Variants in ST7 observed in about 807,000 individuals in gnomAD.
ST7 encodes suppression of tumorigenicity 7.
ST7 carries 28 observed loss-of-function variants against 78.7 expected under a neutral mutation model. The observed-to-expected ratio is 0.36, with a 90% CI of 0.26 to 0.49. ST7 has a LOEUF of 0.49. Among genes scored for constraint, ST7 ranks in the 20% least tolerant of loss-of-function variants. The pLI is 0.99. For missense variants in ST7, 418 were observed against 696.0 expected (o/e 0.60, Z 4.49); for synonymous variants, 247 against 249.6 (o/e 0.99, Z 0.10).
At chr7:117,061,959 G>A (rs542159699) in intron 1 of ST7, among the ~76,000 whole-genome samples, 3 of 152,176 alleles carry the variant, frequency 2.0e-5, no homozygotes, top group African/African-American at 7.2e-5. Flanking sequence ...AATTTCATAG[G>A]CTGGGTGGCT....
intron 1 of ST7, among the ~76,000 whole-genome samples, chr7:117,014,534 G>C (rs769169929): frequency 4.6e-5 from 7 of 152,226 alleles, no homozygotes; most frequent in Non-Finnish European, 8.8e-5. Context: ...ATATGCATAT[G>C]TACTATCAAA....
intron 15 of ST7, chr7:117,224,007 G>A (rs1291208986): frequency 2.2e-6 from 2 of 929,032 alleles, no homozygotes; most frequent in Non-Finnish European, 2.6e-6. Flanking sequence ...TAGCCTCTTA[G>A]AGTTGAAAGG....
intron 12 of ST7, among the ~76,000 whole-genome samples, chr7:117,200,096 G>A (rs966120651): frequency 7.9e-5 from 12 of 152,062 alleles, no homozygotes; most frequent in Non-Finnish European, 1.6e-4. Context: ...GCCTCCACTG[G>A]CCAGCTTGTG....
At chr7:117,182,394 C>T (rs1024526278) in intron 10 of ST7, among the ~76,000 whole-genome samples, 2 of 152,076 alleles carry the variant, frequency 1.3e-5, no homozygotes, top group African/African-American at 4.8e-5. Flanking sequence ...TGCATGGTAG[C>T]TTGAATCAGA....
At chr7:117,045,091 G>A (rs181225225) in intron 1 of ST7, among the ~76,000 whole-genome samples, 24 of 152,148 alleles carry the variant, frequency 1.6e-4, no homozygotes, top group Admixed American at 3.3e-4. Context: ...ACCTTCAAAT[G>A]TATCACCATT....
At chr7:116,971,513 A>G (rs1032816083) in intron 1 of ST7, among the ~76,000 whole-genome samples, 6 of 151,222 alleles carry the variant, frequency 4.0e-5, no homozygotes, top group African/African-American at 1.2e-4. Context: ...GTCAATTCTA[A>G]TGAAAAAAAA....
chr7:117,099,064 AAC>A lies in ST7; in HGVS notation c.152-696_152-695del, dbSNP rs1321365417. ...ACTTTCGCAAAAAAAAAAAAAAAAAAACAAAAAAAAAAGAAGAAGAAGAAGGT... is the reference window on the plus strand; with the variant it reads ...ACTTTCGCAAAAAAAAAAAAAAAAAAAAAAAAAAAAGAAGAAGAAGAAGGT... On this transcript the variant is annotated intron_variant, in intron 1 of 15. Transcript: ENST00000323984. Among the ~76,000 whole-genome samples the A allele has an allele frequency of 3.3e-3, 450 of 135,990 alleles. 72 individuals are homozygous for A. Among genetic ancestry groups the A allele is most frequent in the African/African-American group, 9.1e-3 (293 of 32,138 alleles). The allele number at this position is 135,990 out of a possible 152,430, so 89.2% of individuals were successfully genotyped here. A position where few individuals can be genotyped will look rare whatever the true frequency, so the allele number is the denominator to read the frequency against.
At chr7:116,961,056 A>G (rs1792800144) in intron 1 of ST7, among the ~76,000 whole-genome samples, 2 of 152,316 alleles carry the variant, frequency 1.3e-5, no homozygotes, top group African/African-American at 4.8e-5. Context: ...AGCACCATTT[A>G]TTGAATAGGC....
intron 1 of ST7, among the ~76,000 whole-genome samples, chr7:117,050,294 A>G (rs1219413279): frequency 6.6e-6 from 1 of 152,326 alleles, no homozygotes; most frequent in Admixed American, 6.5e-5. Context: ...AATTCACTGG[A>G]GAGACAGACT....
chr7:117,130,174 A>G (rs1231388779), intron 4 of ST7, among the ~76,000 whole-genome samples: 1 of 151,910 alleles, frequency 6.6e-6, no homozygotes, highest in Non-Finnish European at 1.5e-5. Context: ...AATTTAGTTT[A>G]GCAAAGTAAT....
intron 9 of ST7, among the ~76,000 whole-genome samples, chr7:117,160,610 A>G (rs1807062035): frequency 6.6e-6 from 1 of 151,902 alleles, no homozygotes; most frequent in African/African-American, 2.4e-5. Flanking sequence ...GTTTGTGCAT[A>G]TGTATATATT....
intron 13 of ST7, among the ~76,000 whole-genome samples, chr7:117,216,466 T>C (rs778927575): frequency 3.9e-5 from 6 of 152,236 alleles, no homozygotes; most frequent in Non-Finnish European, 5.9e-5. Context: ...TCAAATGACC[T>C]TTTTCTATTC....
At chr7:117,082,410 A>C (rs1799852778) in intron 1 of ST7, among the ~76,000 whole-genome samples, 1 of 152,240 alleles carries the variant, frequency 6.6e-6, no homozygotes, top group Non-Finnish European at 1.5e-5. Context: ...TGTTACAAAA[A>C]GTAAATCTAC....
At chr7:117,218,354 G>T (rs1454088257) in intron 13 of ST7, among the ~76,000 whole-genome samples, 1 of 152,138 alleles carries the variant, frequency 6.6e-6, no homozygotes, top group Non-Finnish European at 1.5e-5. Flanking sequence ...GTAACAGGGA[G>T]AGTAACACAC....
chr7:117,143,953 C>A (rs192656367), intron 9 of ST7, among the ~76,000 whole-genome samples: 71 of 152,236 alleles, frequency 4.7e-4, no homozygotes, highest in African/African-American at 1.6e-3. Context: ...CTCAGAACAC[C>A]TTTAAAATAA....
rs907077534 is a variant in ST7 at position 116,972,150 on chromosome 7, G to C, written c.151+18459G>C. On this transcript the variant is annotated intron_variant, in intron 1 of 15. Coordinates refer to ENST00000323984, the MANE Select transcript of ST7 (RefSeq NM_001369598.1). ...GGTCAGAGGGAGGAGCAGCAGCAGG[G>C]TGGGACTGGGCTTTCTACATCTCAT... 7.2e-6 allele frequency: 4 copies of C among 555,192 alleles called. No individual in the cohort carries two copies. The African/African-American group carries it at 7.5e-5, about 10-fold the overall frequency. The allele number at this position is 555,192 out of a possible 1,614,324, so 34.4% of individuals were successfully genotyped here.
At chr7:117,014,297 G>A (rs1202312887) in intron 1 of ST7, among the ~76,000 whole-genome samples, 2 of 68,412 alleles carry the variant, frequency 2.9e-5, no homozygotes, top group African/African-American at 1.0e-4. Context: ...GATTGGCAAT[G>A]GAGGAAAAAG....
intron 7 of ST7, among the ~76,000 whole-genome samples, 184 bp from the exon 8 acceptor site, chr7:117,135,897 G>A (rs1804751029): frequency 6.6e-6 from 1 of 152,094 alleles, no homozygotes; most frequent in African/African-American, 2.4e-5. Flanking sequence ...TACCTCTCAA[G>A]CTAAAATACA....
chr7:116,967,503 T>C (rs998185062), intron 1 of ST7: 8 of 421,214 alleles, frequency 1.9e-5, no homozygotes, highest in South Asian at 1.0e-4. Flanking sequence ...CCAGTCCCAG[T>C]GGACCTTTCT....
Sources: gnomAD v4.1 joint callset for allele counts (sites outside exome capture counted in the v4.1 genomes callset) on GRCh38, gnomAD v4.1.1 for gene constraint, MANE v1.5 for transcripts, NCBI Gene and HGNC (gene_info 2026-07-23, HGNC 2026-07-21) for gene names.